DDR2: variants seen among roughly 807,000 people sequenced by gnomAD.
DDR2 encodes the protein discoidin domain receptor tyrosine kinase 2.
In DDR2, 27 loss-of-function variants were observed where a neutral mutation model predicts 94.9. The ratio of observed to expected loss-of-function variants is 0.28; its 90% CI spans 0.21 to 0.39. The LOEUF (loss-of-function observed/expected upper bound fraction) is 0.39. Among genes scored for constraint, DDR2 ranks in the 10% least tolerant of loss-of-function variants. The pLI, the probability that DDR2 is intolerant of heterozygous loss-of-function variation, is 1.00. For missense variants in DDR2, 783 were observed against 1,076.0 expected (o/e 0.73, Z 3.81); for synonymous variants, 382 against 377.2 (o/e 1.01, Z -0.15).
At chr1:162,660,324 G>T (rs1225399207) in intron 2 of DDR2, among the ~76,000 whole-genome samples, 1 of 152,120 alleles carries the variant, frequency 6.6e-6, no homozygotes, top group Non-Finnish European at 1.5e-5. Context: ...TTTGTTTGGG[G>T]GTAGAGGAGG....
chr1:162,686,937 T>C (rs1272317573), intron 2 of DDR2, among the ~76,000 whole-genome samples: 2 of 152,270 alleles, frequency 1.3e-5, no homozygotes, highest in African/African-American at 4.8e-5. Flanking sequence ...TTCAGCCTTC[T>C]GGGTTGCTAA....
intron 2 of DDR2, among the ~76,000 whole-genome samples, chr1:162,679,914 G>T (rs1659323755): frequency 6.6e-6 from 1 of 152,066 alleles, no homozygotes; most frequent in Non-Finnish European, 1.5e-5. Flanking sequence ...TCGTATGCCT[G>T]TTGGCCGCAT....
At chr1:162,766,495 CAT>C (rs937524679) in intron 10 of DDR2, among the ~76,000 whole-genome samples, 3 of 152,178 alleles carry the variant, frequency 2.0e-5, no homozygotes, top group African/African-American at 7.2e-5. Context: ...ATGTGGGAAA[CAT>C]GTGGGATTGA....
intron 3 of DDR2, among the ~76,000 whole-genome samples, chr1:162,749,924 A>C (rs1481975040): frequency 6.6e-6 from 1 of 152,238 alleles, no homozygotes; most frequent in Non-Finnish European, 1.5e-5. Context: ...TGATTATCTC[A>C]ATAGATGCAG....
At chr1:162,756,916 G>T (rs1305363118) in intron 7 of DDR2, among the ~76,000 whole-genome samples, 1 of 152,182 alleles carries the variant, frequency 6.6e-6, no homozygotes, top group Admixed American at 6.5e-5. Context: ...ATAAGCCTTT[G>T]TTAATCAACT....
chr1:162,727,940 C>G (rs1009442569), intron 3 of DDR2, among the ~76,000 whole-genome samples: 2 of 125,814 alleles, frequency 1.6e-5, no homozygotes, highest in Non-Finnish European at 3.3e-5. Flanking sequence ...AGAGCTAAGT[C>G]GACAATCACA....
chr1:162,687,064 C>A (rs1659721932), intron 2 of DDR2, among the ~76,000 whole-genome samples: 1 of 152,140 alleles, frequency 6.6e-6, no homozygotes, highest in African/African-American at 2.4e-5. Context: ...GTGGGAAGAT[C>A]CAGAGCAAGG....
Position 162,780,198 on chromosome 1 carries a change from C to T in DDR2, c.2520C>T (p.Pro840=), listed in dbSNP as rs200215776. Residue 840 remains proline, a synonymous_variant, in exon 18 of 18, where the codon CCC becomes CCT. Coordinates refer to ENST00000367921, the MANE Select transcript of DDR2 (RefSeq NM_006182.4). ...SCWRRDTKNR[P]SFQEIHLLLL... ...GGAGAAGAGATACGAAGAACCGTCC[C>T]TCATTCCAAGAAATCCACCTTCTGC... The T allele has an allele frequency of 2.5e-5, 41 of 1,614,016 alleles. No individual in the cohort carries two copies. In the African/African-American group the frequency reaches 4.5e-4, roughly 18 times the overall value.
chr1:162,647,696 G>A (rs968722592), intron 1 of DDR2, among the ~76,000 whole-genome samples: 1 of 152,182 alleles, frequency 6.6e-6, no homozygotes, highest in Non-Finnish European at 1.5e-5. Flanking sequence ...TCCAGATGTT[G>A]CCATGGCATT....
In DDR2 at chr1:162,755,206, G is replaced by A. The variant is rs1271526257; in HGVS notation, c.468G>A (p.Glu156=). The A allele has an allele frequency of 6.2e-7, 1 of 1,614,088 alleles. No homozygotes were observed. Among genetic ancestry groups the A allele is most frequent in the South Asian group, 1.1e-5 (1 of 91,082 alleles). Residue 156 remains glutamate (E), a synonymous_variant, in exon 6 of 18, where the codon GAG becomes GAA. Transcript: ENST00000367921. ...ATGACATTTTCCTAAAGGACTTGGA[G>A]CCGCCCATTGTAGCCAGATTTGTCC... ...NPYDIFLKDL[E]PPIVARFVRF...
chr1:162,745,656 C>G (rs1167724891), intron 3 of DDR2, among the ~76,000 whole-genome samples: 1 of 151,804 alleles, frequency 6.6e-6, no homozygotes, highest in Non-Finnish European at 1.5e-5. Flanking sequence ...CTTCCAGGCT[C>G]TCTATTCTGT....
intron 13 of DDR2, 39 bp from the exon 14 acceptor site, chr1:162,773,430 G>A: frequency 6.2e-7 from 1 of 1,611,040 alleles, no homozygotes; most frequent in South Asian, 1.1e-5. Flanking sequence ...ACATCTTCAG[G>A]AGAAATGATG....
intron 2 of DDR2, among the ~76,000 whole-genome samples, chr1:162,681,734 T>C (rs146317551): frequency 5.6e-4 from 85 of 152,264 alleles, no homozygotes; most frequent in African/African-American, 1.9e-3. Flanking sequence ...ACAAGAGCTC[T>C]GTCCTCATGA....
intron 3 of DDR2, among the ~76,000 whole-genome samples, chr1:162,744,210 C>A (rs2805028): frequency 0.84 from 127,763 of 151,872 alleles, 54,517 homozygotes; most frequent in Non-Finnish European, 0.92. Flanking sequence ...TGTAATATAC[C>A]GTATCGTTAA....
chr1:162,637,633 C>T (rs549935023), intron 1 of DDR2, among the ~76,000 whole-genome samples: 1 of 152,202 alleles, frequency 6.6e-6, no homozygotes, highest in East Asian at 1.9e-4. Flanking sequence ...CATCATATTG[C>T]TGCCTCTCAA....
At chr1:162,733,812 C>T (rs1027415687) in intron 3 of DDR2, among the ~76,000 whole-genome samples, 1 of 152,166 alleles carries the variant, frequency 6.6e-6, no homozygotes, top group African/African-American at 2.4e-5. Context: ...GGTAACCAAG[C>T]ACAAGAGTAA....
At chr1:162,717,048 GTT>G (rs200748997) in intron 2 of DDR2, among the ~76,000 whole-genome samples, 2 of 144,858 alleles carry the variant, frequency 1.4e-5, no homozygotes. Context: ...TTCTAGAACA[GTT>G]TTTTTTTTTT....
At chr1:162,718,240 C>G (rs1287089268) in intron 2 of DDR2, among the ~76,000 whole-genome samples, 3 of 152,136 alleles carry the variant, frequency 2.0e-5, no homozygotes, top group African/African-American at 7.2e-5. Context: ...TACTCCAAGT[C>G]CATCTTGTTT....
At chr1:162,631,616 G>A (rs528889807), upstream of DDR2, among the ~76,000 whole-genome samples, 86 of 152,252 alleles carry the variant, frequency 5.6e-4, no homozygotes, top group African/African-American at 2.0e-3. Flanking sequence ...AAGGGTTAAG[G>A]CTGGAGCCTG....
Sources: allele counts gnomAD v4.1 joint callset (sites outside exome capture counted in the v4.1 genomes callset), GRCh38; gene constraint gnomAD v4.1.1; transcripts MANE v1.5; gene names NCBI Gene and HGNC (gene_info 2026-07-23, HGNC 2026-07-21).